SGSM1: variants seen among roughly 807,000 people sequenced by gnomAD.
The protein encoded by SGSM1 is RUN and TBC1 domain containing 2.
Under a neutral mutation model 133.8 loss-of-function variants are expected in SGSM1, and 73 were observed. That is an observed-to-expected ratio of 0.55 (90% CI 0.45 to 0.66). SGSM1 has a LOEUF of 0.66. Among genes scored for constraint, SGSM1 ranks in the 30% least tolerant of loss-of-function variants. SGSM1 has a pLI of 0.00. For missense variants in SGSM1, 1,213 were observed against 1,448.1 expected (o/e 0.84, Z 2.64); for synonymous variants, 563 against 573.0 (o/e 0.98, Z 0.25).
intron 8 of SGSM1, among the ~76,000 whole-genome samples, chr22:24,857,216 A>G (rs940419840): frequency 1.3e-5 from 2 of 151,026 alleles, no homozygotes; most frequent in African/African-American, 4.9e-5. Context: ...AGCCTGGCCA[A>G]TATGGTGAAA....
intron 12 of SGSM1, 64 bp downstream of exon 12, chr22:24,868,919 G>T: frequency 6.3e-7 from 1 of 1,577,756 alleles, no homozygotes; most frequent in Non-Finnish European, 8.6e-7. Context: ...ATGACTCCAG[G>T]TGTTTGAAAC....
chr22:24,837,612 C>G (rs555242922), intron 2 of SGSM1, among the ~76,000 whole-genome samples: 5 of 135,428 alleles, frequency 3.7e-5, no homozygotes, highest in Non-Finnish European at 7.8e-5. Flanking sequence ...TGCTAAGTAG[C>G]GGGTGTTGTT....
chr22:24,816,518 C>T (rs538411570), intron 2 of SGSM1, among the ~76,000 whole-genome samples: 6 of 147,182 alleles, frequency 4.1e-5, no homozygotes, highest in African/African-American at 1.2e-4. Flanking sequence ...TGGGTTCAAG[C>T]GATTCTTCTG....
At chr22:24,887,314 A>G (rs1260434706) in intron 16 of SGSM1, among the ~76,000 whole-genome samples, 2 of 152,118 alleles carry the variant, frequency 1.3e-5, no homozygotes, top group East Asian at 1.9e-4. Flanking sequence ...CTTCATTTCT[A>G]TAATTTTGTC....
chr22:24,919,678 C>T (rs886888565), intron 23 of SGSM1, 148 bp from the exon 24 acceptor site: 87 of 744,712 alleles, frequency 1.2e-4, no homozygotes, highest in Non-Finnish European at 1.5e-4. Flanking sequence ...CTCCTGCCTT[C>T]TGACCTGAGT....
intron 10 of SGSM1, among the ~76,000 whole-genome samples, chr22:24,868,171 G>A (rs116633468): frequency 1.9e-3 from 289 of 152,266 alleles, no homozygotes; most frequent in African/African-American, 6.8e-3. Context: ...CTGTAGTCCC[G>A]TCAGAGGTGG....
chr22:24,876,316 T>G (rs896500905), intron 12 of SGSM1, among the ~76,000 whole-genome samples: 1 of 152,184 alleles, frequency 6.6e-6, no homozygotes, highest in African/African-American at 2.4e-5. Context: ...TGGGCCTGGT[T>G]TCTTGGCTCT....
At chr22:24,827,913 A>G (rs945423586) in intron 2 of SGSM1, among the ~76,000 whole-genome samples, 4 of 151,948 alleles carry the variant, frequency 2.6e-5, no homozygotes, top group African/African-American at 7.3e-5. Context: ...TCCAAAAGGA[A>G]TGAGCTCCCC....
chr22:24,845,658 T>C (rs1353454654), intron 3 of SGSM1, among the ~76,000 whole-genome samples: 2 of 152,238 alleles, frequency 1.3e-5, no homozygotes, highest in Non-Finnish European at 2.9e-5. Context: ...ATCTTGGTCC[T>C]GTGGAGAGGC....
intron 16 of SGSM1, among the ~76,000 whole-genome samples, chr22:24,887,255 C>T (rs1040542267): frequency 6.6e-6 from 1 of 152,040 alleles, no homozygotes; most frequent in African/African-American, 2.4e-5. Context: ...CTCACCTCCC[C>T]CATACCCACA....
chr22:24,817,011 G>C (rs1474265426), intron 2 of SGSM1, among the ~76,000 whole-genome samples: 1 of 152,208 alleles, frequency 6.6e-6, no homozygotes, highest in East Asian at 1.9e-4. Context: ...GGTCATGGGG[G>C]GGTGAGGGGT....
chr22:24,914,966 C>A (rs186384822), intron 22 of SGSM1, among the ~76,000 whole-genome samples: 1 of 152,086 alleles, frequency 6.6e-6, no homozygotes, highest in Non-Finnish European at 1.5e-5. Context: ...CGGTTTCTCA[C>A]GCTTGTAATC....
intron 21 of SGSM1, among the ~76,000 whole-genome samples, chr22:24,905,788 CAA>C (rs539155528): frequency 2.8e-4 from 25 of 88,510 alleles, no homozygotes; most frequent in Middle Eastern, 5.7e-3. Flanking sequence ...GACTCTGTCT[CAA>C]AAAAAAAAAA....
intron 21 of SGSM1, among the ~76,000 whole-genome samples, chr22:24,907,139 A>C (rs1480556307): frequency 6.6e-6 from 1 of 151,238 alleles, no homozygotes; most frequent in Non-Finnish European, 1.5e-5. Flanking sequence ...GGGTGCCTGT[A>C]ATCCCAGCTA....
chr22:24,893,400 A>G (rs1555933838), intron 16 of SGSM1, 31 bp from the exon 17 acceptor site: 4 of 1,609,328 alleles, frequency 2.5e-6, no homozygotes, highest in Non-Finnish European at 3.4e-6. Context: ...CTTTGTTGAC[A>G]CCTCGGGTGA....
At position 24,876,036 on chromosome 22, in the gene SGSM1, A is replaced by T. The variant is rs115142253; in HGVS notation, c.1292-541A>T. 4.5e-3 allele frequency among the ~76,000 whole-genome samples: 680 copies of T among 152,228 alleles called. 5 individuals carry two copies. Among genetic ancestry groups the T allele is most frequent in the African/African-American group, 0.015 (612 of 41,540 alleles). On this transcript the variant is annotated intron_variant, in intron 12 of 24. Coordinates refer to ENST00000400358, the MANE Select transcript of SGSM1 (RefSeq NM_001098497.3). ...ACAAGCTTCCCACGTGATTTTAGGG[A>T]GTTGCTAATATGTTTGAGACCCACT... is the stretch of plus-strand genomic sequence containing the variant.
chr22:24,816,734 C>T (rs879826958), intron 2 of SGSM1, among the ~76,000 whole-genome samples: 2 of 152,106 alleles, frequency 1.3e-5, no homozygotes, highest in Non-Finnish European at 2.9e-5. Flanking sequence ...TATCCAGGGG[C>T]GCCAATGATG....
intron 8 of SGSM1, among the ~76,000 whole-genome samples, chr22:24,858,635 CAAAAAAAAA>C (rs139699): frequency 1.8e-4 from 15 of 83,028 alleles, no homozygotes; most frequent in African/African-American, 4.3e-4. Context: ...GACTCCATCT[CAAAAAAAAA>C]AAAAAAAAAA....
chr22:24,817,953 G>A (rs1207266371), intron 2 of SGSM1, among the ~76,000 whole-genome samples: 4 of 152,010 alleles, frequency 2.6e-5, no homozygotes, highest in Admixed American at 6.6e-5. Context: ...AAATCCCGAC[G>A]GGGTGCAGTG....
Sources: allele counts gnomAD v4.1 joint callset (sites outside exome capture counted in the v4.1 genomes callset), GRCh38; gene constraint gnomAD v4.1.1; transcripts MANE v1.5; gene names NCBI Gene and HGNC (gene_info 2026-07-23, HGNC 2026-07-21).